The following RELL1 variants were observed in gnomAD, a reference collection of about 807,000 sequenced individuals.
The protein encoded by RELL1 is RELT-like protein 1.
A neutral mutation model predicts 23.0 loss-of-function variants in RELL1; 10 were observed. The ratio of observed to expected loss-of-function variants is 0.43; its 90% CI spans 0.27 to 0.74. The LOEUF is 0.74. Ranked by LOEUF, RELL1 falls within the 30% of genes least tolerant of loss-of-function variation. RELL1 has a pLI of 0.19. For missense variants in RELL1, 315 were observed against 364.4 expected, an observed-to-expected ratio of 0.86 and a Z score of 1.10; for synonymous variants, 146 against 146.8, an observed-to-expected ratio of 0.99 and a Z score of 0.04.
chr4:37,599,206 A>G (rs936883841), intron 6 of RELL1, among the ~76,000 whole-genome samples: 1 of 152,222 alleles, frequency 6.6e-6, no homozygotes, highest in East Asian at 1.9e-4. Context: ...TAACCATAAT[A>G]GGTCTGCTGC....
At chr4:37,587,311 TG>T (rs1302830170), downstream of RELL1, among the ~76,000 whole-genome samples, 2 of 152,124 alleles carry the variant, frequency 1.3e-5, no homozygotes, top group African/African-American at 4.8e-5. Context: ...ACCTTTAATT[TG>T]GGGGCTGGGG....
chr4:37,642,183 A>C (rs967043603), intron 3 of RELL1, among the ~76,000 whole-genome samples: 1 of 152,240 alleles, frequency 6.6e-6, no homozygotes, highest in Non-Finnish European at 1.5e-5. Flanking sequence ...GTCATTTATA[A>C]AGGAATCTTT....
intron 1 of RELL1, among the ~76,000 whole-genome samples, chr4:37,658,660 C>T (rs6844322): frequency 0.086 from 13,023 of 152,244 alleles, 647 homozygotes; most frequent in African/African-American, 0.098. Flanking sequence ...TGTCTGCATA[C>T]GTAAAACACG....
chr4:37,672,271 C>G (rs913340498), intron 1 of RELL1, among the ~76,000 whole-genome samples: 1 of 152,042 alleles, frequency 6.6e-6, no homozygotes, highest in Non-Finnish European at 1.5e-5. Flanking sequence ...CCGTAGCTAC[C>G]TGGGGGCCCA....
At chr4:37,683,941 C>CT (rs1353973732) in intron 1 of RELL1, among the ~76,000 whole-genome samples, 6 of 151,684 alleles carry the variant, frequency 4.0e-5, no homozygotes, top group African/African-American at 1.5e-4. Context: ...ATTAGCCAGG[C>CT]ATGGTGGCGG....
chr4:37,598,432 GTA>G (rs1453448632), intron 6 of RELL1, among the ~76,000 whole-genome samples: 2 of 151,932 alleles, frequency 1.3e-5, no homozygotes, highest in African/African-American at 2.4e-5. Flanking sequence ...GTTGTTTTTA[GTA>G]TTTTTATAGG....
Position 37,612,339 on chromosome 4 carries a change from CA to C in RELL1, c.*1006del, listed in dbSNP as rs67692676. On this transcript the variant is annotated 3_prime_UTR_variant, in exon 7 of 7. Coordinates refer to ENST00000454158, the MANE Select transcript of RELL1 (RefSeq NM_001085400.2). ...CTAAAGGTTAAAAAAAAAAAAAAAA[CA>C]AAAAAAAACAAAAAACCGGGTGCAG... is the stretch of plus-strand genomic sequence containing the variant. Among the ~76,000 whole-genome samples the C allele has an allele frequency of 0.48, 40,731 of 85,034 alleles. 7,336 individuals are homozygous for C. Among genetic ancestry groups the C allele is most frequent in the Non-Finnish European group, 0.58 (26,528 of 45,736 alleles). The allele number at this position is 85,034 out of a possible 152,430, so 55.8% of individuals were successfully genotyped here.
At chr4:37,622,642 A>G (rs1020054061) in intron 6 of RELL1, among the ~76,000 whole-genome samples, 11 of 152,094 alleles carry the variant, frequency 7.2e-5, no homozygotes, top group African/African-American at 2.7e-4. Context: ...AACAACACAC[A>G]CTAAACAAGG....
intron 6 of RELL1, among the ~76,000 whole-genome samples, chr4:37,630,366 T>G (rs1358660048): frequency 1.7e-5 from 2 of 115,786 alleles, no homozygotes; most frequent in Non-Finnish European, 3.9e-5. Flanking sequence ...GTTTTTTTTT[T>G]TTTTTTTTTT....
downstream of RELL1, chr4:37,590,613 A>C (rs1460159885): frequency 3.7e-6 from 6 of 1,614,200 alleles, no homozygotes; most frequent in Non-Finnish European, 5.1e-6. Context: ...TACCAGCCCC[A>C]GATTACCTTC....
chr4:37,608,878 G>A (rs1365216098), downstream of RELL1, among the ~76,000 whole-genome samples: 19 of 152,060 alleles, frequency 1.2e-4, 1 homozygote, highest in South Asian at 4.1e-4. Flanking sequence ...CAATCAGCCC[G>A]CCTCAGCCTC....
chr4:37,612,945 C>T lies in RELL1; in HGVS notation c.*401G>A, dbSNP rs1719457664. 1 of 152,210 alleles carries T rather than the reference C, an allele frequency of 6.6e-6. No individual in the cohort carries two copies. Among genetic ancestry groups the T allele is most frequent in the Admixed American group, 6.5e-5 (1 of 15,282 alleles). 9.4% of individuals were successfully genotyped at this position (152,210 alleles called of 1,614,324 possible). A position where few individuals can be genotyped will look rare whatever the true frequency, so the allele number is the denominator to read the frequency against. ...AAAGAAACACACACTCACGTGCACA[C>T]ATGCATACACATATACACACACACC... On this transcript the variant is annotated 3_prime_UTR_variant, in exon 7 of 7. Coordinates refer to ENST00000454158, the MANE Select transcript of RELL1 (RefSeq NM_001085400.2).
intron 2 of RELL1, among the ~76,000 whole-genome samples, chr4:37,648,177 C>G (rs1366339530): frequency 6.6e-6 from 1 of 152,248 alleles, no homozygotes; most frequent in African/African-American, 2.4e-5. Context: ...TCCACGTGAA[C>G]ATGCATGTTT....
At chr4:37,645,186 A>G (rs1179929680) in intron 3 of RELL1, among the ~76,000 whole-genome samples, 2 of 152,188 alleles carry the variant, frequency 1.3e-5, no homozygotes. Flanking sequence ...TTCATGCATC[A>G]TCACAAATTT....
At chr4:37,638,298 TC>T (rs998224950) in intron 4 of RELL1, 148 bp downstream of exon 4, 2 of 668,040 alleles carry the variant, frequency 3.0e-6, no homozygotes, top group African/African-American at 3.6e-5. Flanking sequence ...ACAGGACAGT[TC>T]CGCACAGCAA....
At chr4:37,605,765 A>AAGAAAGAGAG (rs147338700), downstream of RELL1, among the ~76,000 whole-genome samples, 525 of 92,104 alleles carry the variant, frequency 5.7e-3, 15 homozygotes, top group African/African-American at 0.017. Flanking sequence ...AGAATAAAGA[A>AAGAAAGAGAG]AGAGAGAGAG....
intron 1 of RELL1, among the ~76,000 whole-genome samples, chr4:37,669,152 C>A (rs1721676398): frequency 7.6e-6 from 1 of 132,146 alleles, no homozygotes. Context: ...GCCCCTCTGC[C>A]CGGCCAGCCG....
intron 1 of RELL1, among the ~76,000 whole-genome samples, chr4:37,660,908 G>T (rs548541764): frequency 6.6e-6 from 1 of 151,920 alleles, no homozygotes; most frequent in South Asian, 2.1e-4. Context: ...GCGGGCGCCT[G>T]TTGTCCCAGC....
At chr4:37,650,178 T>C (rs943008411) in intron 1 of RELL1, among the ~76,000 whole-genome samples, 7 of 152,220 alleles carry the variant, frequency 4.6e-5, no homozygotes, top group Non-Finnish European at 1.0e-4. Flanking sequence ...TTCATCACAC[T>C]GAGCAAAACA....
Sources: gnomAD v4.1 joint callset for allele counts (sites outside exome capture counted in the v4.1 genomes callset) on GRCh38, gnomAD v4.1.1 for gene constraint, MANE v1.5 for transcripts, NCBI Gene and HGNC (gene_info 2026-07-23, HGNC 2026-07-21) for gene names.